LRP12: variants seen among roughly 807,000 people sequenced by gnomAD.
LRP12 encodes the protein LDL receptor related protein 12.
A neutral mutation model predicts 66.0 loss-of-function variants in LRP12; 14 were observed. That is an observed-to-expected ratio of 0.21 (90% CI 0.14 to 0.33). The LOEUF (loss-of-function observed/expected upper bound fraction) is 0.33, where lower values mean the gene tolerates loss of function less well. LRP12 is among the 10% of genes least tolerant of loss of function. LRP12 has a pLI of 1.00. For synonymous variants in LRP12, 357 were observed against 359.1 expected (o/e 0.99, Z 0.07); for missense variants, 889 against 1,053.4 (o/e 0.84, Z 2.16).
chr8:104,543,510 C>T (rs186336895), intron 1 of LRP12, among the ~76,000 whole-genome samples: 6 of 152,264 alleles, frequency 3.9e-5, no homozygotes, highest in African/African-American at 7.2e-5. Context: ...TCCCTCTCCT[C>T]GGGCCTCCCT....
intron 1 of LRP12, among the ~76,000 whole-genome samples, 185 bp downstream of exon 1, chr8:104,588,634 G>A (rs1178719806): frequency 6.6e-6 from 1 of 151,442 alleles, no homozygotes; most frequent in Admixed American, 6.6e-5. Context: ...AGGTGGACGA[G>A]TGGAGAAAAG....
chr8:104,524,976 G>A (rs760566897), intron 2 of LRP12, among the ~76,000 whole-genome samples: 5 of 152,008 alleles, frequency 3.3e-5, no homozygotes, highest in African/African-American at 9.7e-5. Flanking sequence ...TCAACTTGAC[G>A]TAAGATATAT....
At chr8:104,559,509 T>C (rs1378248255) in intron 1 of LRP12, among the ~76,000 whole-genome samples, 1 of 152,092 alleles carries the variant, frequency 6.6e-6, no homozygotes, top group Non-Finnish European at 1.5e-5. Flanking sequence ...TAATTTGGCA[T>C]AGCATACACT....
chr8:104,532,812 G>C (rs1467829264), intron 1 of LRP12, among the ~76,000 whole-genome samples: 2 of 152,066 alleles, frequency 1.3e-5, no homozygotes, highest in African/African-American at 4.8e-5. Flanking sequence ...AATGCACTAA[G>C]CTGTAGGAGA....
intron 2 of LRP12, among the ~76,000 whole-genome samples, chr8:104,528,699 C>T (rs1251550276): frequency 4.0e-5 from 6 of 151,432 alleles, no homozygotes; most frequent in African/African-American, 1.2e-4. Context: ...CGCTTGAACC[C>T]GGGAGGCAGC....
intron 6 of LRP12, among the ~76,000 whole-genome samples, chr8:104,493,497 CT>C (rs144922766): frequency 0.022 from 3,408 of 152,270 alleles, 65 homozygotes; most frequent in Non-Finnish European, 0.031. Flanking sequence ...CTGTCCTTGG[CT>C]TTTGGTACAT....
intron 1 of LRP12, among the ~76,000 whole-genome samples, chr8:104,574,506 C>T (rs1812131675): frequency 6.6e-6 from 1 of 152,094 alleles, no homozygotes. Context: ...TATGAATATT[C>T]TTGTACATGT....
At position 104,497,378 on chromosome 8, in the gene LRP12, G is replaced by T; in HGVS notation, c.1174C>A (p.Gln392Lys). The T allele has an allele frequency of 6.2e-7, 1 of 1,613,962 alleles. No homozygotes were observed. The highest frequency in any genetic ancestry group is 1.1e-5 in the South Asian group (1 of 91,036). ...CGGNWGCYTE[Q>K]QRCDGYWHCP... ...TGCCAATACCCATCACAACGCTGCTGCTCAGTATAACACCCCCAGTTACCT... is the reference window on the plus strand; with the variant it reads ...TGCCAATACCCATCACAACGCTGCTTCTCAGTATAACACCCCCAGTTACCT... Residue 392 changes from glutamine to lysine, a missense_variant, in exon 5 of 7, where the codon CAG becomes AAG. Around this residue, in one of 3 missense-constraint regions of LRP12, gnomAD observed 800 missense variants for 964.5 expected, o/e 0.83. Transcript: ENST00000276654. This position sits in a 1 kb window ranked among gnomAD's most constrained non-coding sequence, Gnocchi z 4.3.
chr8:104,526,487 T>C (rs1286057591), intron 2 of LRP12, among the ~76,000 whole-genome samples: 3 of 150,766 alleles, frequency 2.0e-5, no homozygotes, highest in South Asian at 2.1e-4. Context: ...AACAGAGATA[T>C]AGATCAATGG....
intron 1 of LRP12, among the ~76,000 whole-genome samples, chr8:104,573,748 C>CA (rs978444203): frequency 4.7e-5 from 7 of 148,624 alleles, no homozygotes; most frequent in East Asian, 2.0e-4. Context: ...CTGAACTCAA[C>CA]AAAAAAAAGA....
chr8:104,522,903 T>C (rs1170908872), intron 2 of LRP12, among the ~76,000 whole-genome samples: 1 of 151,790 alleles, frequency 6.6e-6, no homozygotes, highest in African/African-American at 2.4e-5. Flanking sequence ...AATGGAAACA[T>C]AATAAGAAAA....
chr8:104,551,360 T>C (rs1407019420), intron 1 of LRP12, among the ~76,000 whole-genome samples: 1 of 152,176 alleles, frequency 6.6e-6, no homozygotes, highest in African/African-American at 2.4e-5. Flanking sequence ...TTTGGGGTTA[T>C]CAATATTTAA....
intron 1 of LRP12, among the ~76,000 whole-genome samples, chr8:104,557,596 A>G (rs1446723018): frequency 6.6e-6 from 1 of 152,164 alleles, no homozygotes; most frequent in African/African-American, 2.4e-5. Context: ...GAAAACTACA[A>G]AACACTGCTG....
intron 4 of LRP12, 40 bp downstream of exon 4, chr8:104,499,277 A>G (rs1810786699): frequency 2.0e-6 from 3 of 1,519,486 alleles, no homozygotes; most frequent in African/African-American, 1.4e-5. Context: ...AGTTAATACC[A>G]TAAAATTCAG....
intron 1 of LRP12, among the ~76,000 whole-genome samples, chr8:104,575,680 G>A (rs537784602): frequency 4.5e-4 from 69 of 152,232 alleles, no homozygotes; most frequent in African/African-American, 1.6e-3. Flanking sequence ...GTAAGAACCA[G>A]AGCAAGAACT....
Position 104,490,858 on chromosome 8 carries a change from C to A in LRP12, c.2395G>T (p.Ala799Ser). The A allele has an allele frequency of 6.2e-7, 1 of 1,614,008 alleles. No individual in the cohort carries two copies. The highest frequency in any genetic ancestry group is 1.1e-5 in the South Asian group (1 of 91,078). Residue 799 changes from alanine to serine, a missense_variant, in exon 7 of 7, where the codon GCC (alanine) becomes TCC (serine). This residue lies in a region of LRP12 where 800 missense variants were observed against 964.5 expected (regional missense o/e 0.83). Coordinates refer to ENST00000276654, the MANE Select transcript of LRP12 (RefSeq NM_013437.5). ...CTAAGCCCTTGTCCTTGATCTGAGG[C>A]AAGATCAAGAAGAGGTCTGGAGCAG... ...NDCSRPLLDL[A>S]SDQGQGLRQP...
At chr8:104,565,567 T>A (rs945251495) in intron 1 of LRP12, among the ~76,000 whole-genome samples, 7 of 151,286 alleles carry the variant, frequency 4.6e-5, no homozygotes, top group Non-Finnish European at 1.0e-4. Flanking sequence ...CATAAAAATA[T>A]ATACAACCCA....
intron 1 of LRP12, among the ~76,000 whole-genome samples, chr8:104,588,503 T>C (rs538591620): frequency 6.6e-6 from 1 of 152,314 alleles, no homozygotes; most frequent in South Asian, 2.1e-4. Flanking sequence ...CTACGGGTCC[T>C]GGAGCAACTG....
chr8:104,585,623 C>T (rs1812316991), intron 1 of LRP12, among the ~76,000 whole-genome samples: 1 of 152,086 alleles, frequency 6.6e-6, no homozygotes, highest in Non-Finnish European at 1.5e-5. Context: ...GAGTCCAGAC[C>T]AGCAAATGAA....
Sources: gnomAD v4.1 joint callset for allele counts (sites outside exome capture counted in the v4.1 genomes callset) on GRCh38, gnomAD v4.1.1 for gene constraint, gnomAD v4.1.1 regional missense constraint, Gnocchi (gnomAD v3.1) non-coding constraint, MANE v1.5 for transcripts, NCBI Gene and HGNC (gene_info 2026-07-23, HGNC 2026-07-21) for gene names.